NAA15: variants seen among roughly 807,000 people sequenced by gnomAD.
NAA15 encodes N-alpha-acetyltransferase 15, NatA auxiliary subunit, also known as N-terminal acetyltransferase.
A neutral mutation model predicts 114.0 loss-of-function variants in NAA15; 34 were observed. The observed-to-expected ratio is 0.30, with a 90% CI of 0.23 to 0.40. The LOEUF (loss-of-function observed/expected upper bound fraction) is 0.40. NAA15 is among the 10% of genes least tolerant of loss of function. The pLI is 1.00. For missense variants in NAA15, 658 were observed against 1,004.5 expected (o/e 0.66, Z 4.66); for synonymous variants, 340 against 338.0 (o/e 1.01, Z -0.06).
In NAA15 at chr4:139,302,887, T is replaced by C. The variant is rs149026426; in HGVS notation, c.54+1056T>C. Among the ~76,000 whole-genome samples, 36 of 152,366 alleles carry C rather than the reference T, an allele frequency of 2.4e-4. No individual in the cohort carries two copies. In the East Asian group the frequency reaches 6.5e-3, roughly 28 times the overall value. ...TTTTGTTTGGCATTTAGTATGTGGG[T>C]TCCCCCTTTCACGCAAACGTTTCCT... On this transcript the variant is annotated intron_variant, in intron 1 of 19. Transcript: ENST00000296543.
At chr4:139,359,704 G>C in intron 11 of NAA15, 39 bp from the exon 12 acceptor site, 1 of 1,565,654 alleles carries the variant, frequency 6.4e-7, no homozygotes, top group East Asian at 2.3e-5. Flanking sequence ...AGTAAACTTA[G>C]CATGCTAACT....
chr4:139,309,426 A>AGTGTGTGTGTGTGT, intron 1 of NAA15, among the ~76,000 whole-genome samples: 1 of 143,670 alleles, frequency 7.0e-6, no homozygotes, highest in African/African-American at 2.6e-5. Flanking sequence ...TTGCTTTTTA[A>AGTGTGTGTGTGTGT]GTGTGTGTGT....
intron 1 of NAA15, among the ~76,000 whole-genome samples, chr4:139,312,976 A>G (rs1746269382): frequency 1.3e-5 from 2 of 151,964 alleles, no homozygotes; most frequent in Admixed American, 1.3e-4. Flanking sequence ...TCTTCAGTTG[A>G]AATAATGTGA....
At chr4:139,377,364 C>T (rs942684450) in intron 16 of NAA15, among the ~76,000 whole-genome samples, 1 of 151,996 alleles carries the variant, frequency 6.6e-6, no homozygotes, top group African/African-American at 2.4e-5. Context: ...TGGAGAAACC[C>T]CGTCTCTACT....
Position 139,311,207 on chromosome 4 carries a change from C to G in NAA15, c.54+9376C>G, listed in dbSNP as rs141088240. ...TTTATCAGCTTCTGACATACATTTA[C>G]TTTTATGTTTATCACGTTTTCCACA... On this transcript the variant is annotated intron_variant, in intron 1 of 19. Coordinates refer to ENST00000296543, the MANE Select transcript of NAA15 (RefSeq NM_057175.5). Among the ~76,000 whole-genome samples the G allele has an allele frequency of 1.0e-3, 155 of 152,034 alleles. 7 individuals carry two copies. The East Asian group carries it at 0.027, about 26-fold the overall frequency.
At position 139,330,211 on chromosome 4, in the gene NAA15, G is replaced by A. The variant is rs563102388; in HGVS notation, c.55-3963G>A. The stretch of plus-strand genomic sequence containing the variant: ...TTATAGGTATGAATTTTCATAAACA[G>A]CAAGAAATCAAGAATATTCCTTTTA... On this transcript the variant is annotated intron_variant, in intron 1 of 19. Transcript: ENST00000296543. Among the ~76,000 whole-genome samples, 3 of 152,278 alleles carry A rather than the reference G, an allele frequency of 2.0e-5. No individual in the cohort carries two copies. The East Asian group carries it at 5.8e-4, about 29-fold the overall frequency.
Position 139,301,774 on chromosome 4 carries a change from A to G in NAA15, c.-4A>G. 6.3e-7 allele frequency: 1 copy of G among 1,575,248 alleles called. No homozygotes were observed. Among genetic ancestry groups the G allele is most frequent in the Non-Finnish European group, 8.6e-7 (1 of 1,160,130 alleles). Reference sequence around the variant, plus strand: ...TGGCGGGAGCAGCGGGAGCAGCCGGAACGATGCCGGCCGTGAGCCTCCCGC... The same window carrying G: ...TGGCGGGAGCAGCGGGAGCAGCCGGGACGATGCCGGCCGTGAGCCTCCCGC... On this transcript the variant is annotated 5_prime_UTR_variant, in exon 1 of 20. Transcript: ENST00000296543.
At chr4:139,350,892 G>C (rs1269006947) in intron 7 of NAA15, among the ~76,000 whole-genome samples, 1 of 152,158 alleles carries the variant, frequency 6.6e-6, no homozygotes, top group Non-Finnish European at 1.5e-5. Flanking sequence ...AAGGAGAATA[G>C]TAGGAGAAGC....
At chr4:139,383,930 G>C (rs1394494515) in intron 17 of NAA15, among the ~76,000 whole-genome samples, 1 of 152,174 alleles carries the variant, frequency 6.6e-6, no homozygotes, top group East Asian at 1.9e-4. Flanking sequence ...AGGAAGATAG[G>C]GAGGGTGAGG....
intron 6 of NAA15, among the ~76,000 whole-genome samples, chr4:139,347,965 GA>G (rs1747642889): frequency 6.6e-6 from 1 of 150,584 alleles, no homozygotes; most frequent in South Asian, 2.1e-4. Context: ...CCGGGAAGCG[GA>G]GCTTGCAGTG....
At chr4:139,378,073 G>C (rs1748639818) in intron 16 of NAA15, among the ~76,000 whole-genome samples, 1 of 152,096 alleles carries the variant, frequency 6.6e-6, no homozygotes, top group Non-Finnish European at 1.5e-5. Flanking sequence ...AAGAGCATTA[G>C]GAGAAGAGAC....
At chr4:139,366,348 G>T (rs987421302) in intron 14 of NAA15, among the ~76,000 whole-genome samples, 1 of 152,078 alleles carries the variant, frequency 6.6e-6, no homozygotes, top group Non-Finnish European at 1.5e-5. Flanking sequence ...TTAGTTCTTA[G>T]TCTCTCCATA....
At chr4:139,359,998 C>G in intron 12 of NAA15, 103 bp downstream of exon 12, 1 of 1,075,272 alleles carries the variant, frequency 9.3e-7, no homozygotes, top group Non-Finnish European at 1.3e-6. Context: ...ATATTTTTGA[C>G]ACCGTAATAG....
chr4:139,365,410 G>GT (rs201385574), intron 14 of NAA15, among the ~76,000 whole-genome samples: 1,802 of 152,276 alleles, frequency 0.012, 11 homozygotes, highest in East Asian at 0.03. Context: ...TCCAAGTGAA[G>GT]TAGATTTACA....
At chr4:139,363,118 A>AAC (rs1748180132) in intron 14 of NAA15, among the ~76,000 whole-genome samples, 1 of 152,336 alleles carries the variant, frequency 6.6e-6, no homozygotes, top group Admixed American at 6.5e-5. Context: ...CTTAGAAGAA[A>AAC]ACACCAGTAA....
rs996266739 is a variant in NAA15, at chr4:139,391,156, C to T, written c.*3072C>T. 3 of 152,140 alleles carry T rather than the reference C, an allele frequency of 2.0e-5. No homozygotes were observed. The highest frequency in any genetic ancestry group is 2.1e-4 in the South Asian group (1 of 4,828). The allele number at this position is 152,140 out of a possible 1,614,324, so 9.4% of individuals were successfully genotyped here. A position where few individuals can be genotyped will look rare whatever the true frequency, so the allele number is the denominator to read the frequency against. On this transcript the variant is annotated 3_prime_UTR_variant, in exon 20 of 20. Transcript: ENST00000296543. ...AAAGACTGACCTTTCAAATAGAAGG[C>T]GGTCTTTCTATTCTAGCTAATGCCC... is the stretch of plus-strand genomic sequence containing the variant.
rs1004693422 is a variant in NAA15 at position 139,376,479 on chromosome 4, C to T, written c.2056+6C>T. Reference sequence around the variant, plus strand: ...TGAGATTTACTTTAGGAAAGGTAGGCAATTAGGGTACAGTGGCCCTGACAA... The same window carrying T: ...TGAGATTTACTTTAGGAAAGGTAGGTAATTAGGGTACAGTGGCCCTGACAA... On this transcript the variant is annotated splice_donor_region_variant and intron_variant, in intron 16 of 19. Transcript: ENST00000296543. The T allele has an allele frequency of 7.1e-6, 11 of 1,547,358 alleles. No individual in the cohort carries two copies. In the African/African-American group the frequency reaches 1.1e-4, roughly 15 times the overall value.
intron 1 of NAA15, among the ~76,000 whole-genome samples, chr4:139,322,395 C>T (rs565993830): frequency 6.6e-6 from 1 of 152,158 alleles, no homozygotes; most frequent in Non-Finnish European, 1.5e-5. Context: ...TCCAATAAAC[C>T]TCTTTGTTTT....
chr4:139,346,836 A>G (rs1479292047), intron 6 of NAA15, among the ~76,000 whole-genome samples: 1 of 152,112 alleles, frequency 6.6e-6, no homozygotes, highest in Admixed American at 6.6e-5. Flanking sequence ...AAAATTTTTT[A>G]TTGTTTATTC....
Sources: gnomAD v4.1 joint callset for allele counts (sites outside exome capture counted in the v4.1 genomes callset) on GRCh38, gnomAD v4.1.1 for gene constraint, MANE v1.5 for transcripts, NCBI Gene and HGNC (gene_info 2026-07-23, HGNC 2026-07-21) for gene names.